The following PHACTR3 variants were observed in gnomAD, a reference collection of about 807,000 sequenced individuals.
The protein encoded by PHACTR3 is phosphatase and actin regulator 3.
In PHACTR3, 16 loss-of-function variants were observed where a neutral mutation model predicts 66.8. The ratio of observed to expected loss-of-function variants is 0.24; its 90% CI spans 0.16 to 0.36. PHACTR3 has a LOEUF of 0.36. Among genes scored for constraint, PHACTR3 ranks in the 10% least tolerant of loss-of-function variants. The probability of loss-of-function intolerance (pLI) is 1.00; values close to 1 mark genes in which losing one functional copy is unlikely to be tolerated. For synonymous variants in PHACTR3, 323 were observed against 292.1 expected (o/e 1.11, Z -1.08); for missense variants, 647 against 719.9 (o/e 0.90, Z 1.16).
At chr20:59,822,153 G>A (rs1600717853) in intron 8 of PHACTR3, among the ~76,000 whole-genome samples, 1 of 33,792 alleles carries the variant, frequency 3.0e-5, no homozygotes, top group African/African-American at 1.9e-4. Context: ...CCCCTCCGCA[G>A]CGATCCCACC....
chr20:59,605,796 TA>T (rs1363929914), intron 1 of PHACTR3, among the ~76,000 whole-genome samples: 134 of 140,494 alleles, frequency 9.5e-4, no homozygotes, highest in African/African-American at 3.5e-3. Flanking sequence ...CAAAGGCGTC[TA>T]TAGGGCTTGA....
intron 4 of PHACTR3, among the ~76,000 whole-genome samples, chr20:59,756,483 C>T (rs756558864): frequency 8.5e-5 from 13 of 152,106 alleles, no homozygotes; most frequent in South Asian, 6.2e-4. Flanking sequence ...GCCCCTGCAG[C>T]GCTAGCGGCA....
intron 1 of PHACTR3, among the ~76,000 whole-genome samples, chr20:59,681,293 CTCAT>C (rs1438080827): frequency 6.6e-6 from 1 of 152,180 alleles, no homozygotes; most frequent in Non-Finnish European, 1.5e-5. Flanking sequence ...TGCATACATA[CTCAT>C]ACTAAGGACA....
intron 1 of PHACTR3, among the ~76,000 whole-genome samples, chr20:59,690,256 G>A (rs1314176724): frequency 6.6e-6 from 1 of 152,168 alleles, no homozygotes; most frequent in Non-Finnish European, 1.5e-5. Flanking sequence ...CACAAACACA[G>A]ATGTTTGCTG....
At chr20:59,635,169 C>CTTTCTTTCTTTCTTTCTCT (rs1555881178) in intron 1 of PHACTR3, among the ~76,000 whole-genome samples, 1 of 55,338 alleles carries the variant, frequency 1.8e-5, no homozygotes, top group Non-Finnish European at 3.3e-5. Flanking sequence ...TTCTTTCTTT[C>CTTTCTTTCTTTCTTTCTCT]CTTTCTTTCT....
chr20:59,782,067 T>C (rs530497340), intron 7 of PHACTR3, among the ~76,000 whole-genome samples: 1 of 152,284 alleles, frequency 6.6e-6, no homozygotes, highest in African/African-American at 2.4e-5. Context: ...TCCAACCCTC[T>C]AGGAGCTCAT....
chr20:59,755,233 G>C lies in PHACTR3; in HGVS notation c.410G>C (p.Ser137Thr). ...GATGGAGGACCCCGATCTGTACAGA[G>C]TGAACCACCCACTCCCAAGTCGGAG... is the stretch of plus-strand genomic sequence containing the variant. ...NPDGGPRSVQSEPPTPKSETL... is the reference protein window; with the variant it reads ...NPDGGPRSVQTEPPTPKSETL... Residue 137 changes from serine to threonine, a missense_variant, in exon 4 of 13, where the codon AGT becomes ACT. Transcript: ENST00000371015. The C allele has an allele frequency of 2.5e-6, 4 of 1,613,956 alleles. No individual in the cohort carries two copies. The highest frequency in any genetic ancestry group is 3.4e-6 in the Non-Finnish European group (4 of 1,180,040).
At chr20:59,755,756 C>G (rs1208594952) in intron 4 of PHACTR3, among the ~76,000 whole-genome samples, 1 of 152,136 alleles carries the variant, frequency 6.6e-6, no homozygotes. Context: ...GGTTGAGGGA[C>G]TTTTCTGTGG....
intron 7 of PHACTR3, among the ~76,000 whole-genome samples, chr20:59,783,589 A>C (rs567167912): frequency 1.3e-5 from 2 of 152,288 alleles, no homozygotes; most frequent in East Asian, 3.9e-4. Flanking sequence ...ACAGTAGAGG[A>C]AAATGAGGCA....
intron 1 of PHACTR3, among the ~76,000 whole-genome samples, chr20:59,728,590 C>T (rs1346043560): frequency 6.6e-6 from 1 of 150,786 alleles, no homozygotes; most frequent in Non-Finnish European, 1.5e-5. Flanking sequence ...ATTATTATAG[C>T]TTTCTTAACT....
At chr20:59,766,534 G>A (rs946224595) in intron 4 of PHACTR3, among the ~76,000 whole-genome samples, 1 of 152,186 alleles carries the variant, frequency 6.6e-6, no homozygotes, top group Admixed American at 6.5e-5. Context: ...CTGAGGGGTG[G>A]TTGTGAAGGA....
At chr20:59,845,838 C>T (rs998890503) in intron 12 of PHACTR3, among the ~76,000 whole-genome samples, 3 of 152,118 alleles carry the variant, frequency 2.0e-5, no homozygotes, top group South Asian at 2.1e-4. Context: ...GCTGATTCTC[C>T]CATAATCAAG....
Position 59,829,086 on chromosome 20 carries a change from T to C in PHACTR3, c.1329-7419T>C, listed in dbSNP as rs928741969. ...CTGGGTGGTGGCTGGAGCCAGCCCC[T>C]GAGCCCAGGATGCTGGGCACGGAGC... is the stretch of plus-strand genomic sequence containing the variant. On this transcript the variant is annotated intron_variant, in intron 8 of 12. Transcript: ENST00000371015. The surrounding 1 kb of genome is among the most constrained non-coding windows in gnomAD (Gnocchi z 4.2). Among the ~76,000 whole-genome samples the C allele has an allele frequency of 6.6e-6, 1 of 151,980 alleles. No homozygotes were observed. Among genetic ancestry groups the C allele is most frequent in the African/African-American group, 2.4e-5 (1 of 41,354 alleles).
chr20:59,788,642 C>T (rs372573834), intron 7 of PHACTR3, among the ~76,000 whole-genome samples: 2 of 152,210 alleles, frequency 1.3e-5, no homozygotes, highest in East Asian at 3.9e-4. Context: ...TCACAAATCT[C>T]CATCCCTGGC....
At chr20:59,723,731 G>A (rs555387405) in intron 1 of PHACTR3, among the ~76,000 whole-genome samples, 37 of 152,010 alleles carry the variant, frequency 2.4e-4, no homozygotes, top group Middle Eastern at 3.4e-3. Context: ...GTCATATGGC[G>A]ACTCGGTCTT....
At chr20:59,739,690 G>T (rs2039082902) in intron 1 of PHACTR3, among the ~76,000 whole-genome samples, 2 of 152,108 alleles carry the variant, frequency 1.3e-5, no homozygotes, top group African/African-American at 4.8e-5. Context: ...AGATTATGGG[G>T]ATTATAATTC....
intron 8 of PHACTR3, among the ~76,000 whole-genome samples, chr20:59,812,739 C>T (rs866244932): frequency 6.6e-6 from 1 of 152,160 alleles, no homozygotes; most frequent in South Asian, 2.1e-4. Context: ...CACGTGGAAG[C>T]GGGGGAGGAA....
chr20:59,813,427 C>T (rs949284361), intron 8 of PHACTR3, among the ~76,000 whole-genome samples: 5 of 152,340 alleles, frequency 3.3e-5, no homozygotes, highest in South Asian at 2.1e-4. Context: ...ACCTGCAGAA[C>T]GGGCCCAGTT....
intron 1 of PHACTR3, among the ~76,000 whole-genome samples, chr20:59,651,857 GTAGGTAGGTAGGTAGGTAGGTAGA>G (rs1240298306): frequency 3.5e-5 from 5 of 141,732 alleles, no homozygotes; most frequent in African/African-American, 1.1e-4. Context: ...AGGTAGGTAG[GTAGGTAGGTAGGTAGGTAGGTAGA>G]TAGACGGATA....
Sources: gnomAD v4.1 joint callset for allele counts (sites outside exome capture counted in the v4.1 genomes callset) on GRCh38, gnomAD v4.1.1 for gene constraint, Gnocchi (gnomAD v3.1) non-coding constraint, MANE v1.5 for transcripts, NCBI Gene and HGNC (gene_info 2026-07-23, HGNC 2026-07-21) for gene names.